GIMAP8: variants seen among roughly 807,000 people sequenced by gnomAD.
The protein encoded by GIMAP8 is GTPase, IMAP family member 8.
A neutral mutation model predicts 35.6 loss-of-function variants in GIMAP8; 29 were observed. The observed-to-expected ratio is 0.81, with a 90% CI of 0.61 to 1.11. GIMAP8 has a LOEUF of 1.11. Ranked by LOEUF, GIMAP8 falls within the 50% of genes most tolerant of loss-of-function variation. The probability of loss-of-function intolerance (pLI) is 0.00; values close to 1 mark genes in which losing one functional copy is unlikely to be tolerated. For missense variants in GIMAP8, 811 were observed against 805.0 expected, an observed-to-expected ratio of 1.01 and a Z score of -0.09; for synonymous variants, 335 against 308.7, an observed-to-expected ratio of 1.09 and a Z score of -0.89.
Position 150,474,066 on chromosome 7 carries a change from C to T in GIMAP8, c.737C>T (p.Ser246Leu), listed in dbSNP as rs750543849. Residue 246 changes from serine to leucine, a missense_variant, in exon 4 of 5, where the codon TCA becomes TTA. Physicochemically the swap from Ser to Leu is moderately radical, Grantham distance 145 (BLOSUM62 -2). Transcript: ENST00000307271. ...GGACCCGAGCAGAATCCGGGGACAT[C>T]AGAACTGACAGTCCTCCTTGTGGGG... is the stretch of plus-strand genomic sequence containing the variant. Reference protein sequence around the residue: ...STGPEQNPGTSELTVLLVGKR... With the variant: ...STGPEQNPGTLELTVLLVGKR... 9 of 1,614,024 alleles carry T rather than the reference C, an allele frequency of 5.6e-6. No homozygotes were observed. Among genetic ancestry groups the T allele is most frequent in the African/African-American group, 1.3e-5 (1 of 74,910 alleles).
At position 150,477,684 on chromosome 7, in the gene GIMAP8, C is replaced by A; in HGVS notation, c.1902C>A (p.Pro634=). 6.2e-7 allele frequency: 1 copy of A among 1,614,116 alleles called. No individual in the cohort carries two copies. Among genetic ancestry groups the A allele is most frequent in the Non-Finnish European group, 8.5e-7 (1 of 1,180,006 alleles). Residue 634 remains proline, a synonymous_variant, in exon 5 of 5, where the codon CCC becomes CCA. Coordinates refer to ENST00000307271, the MANE Select transcript of GIMAP8 (RefSeq NM_175571.4). ...LRKESGWSGY[P]HTQENVSKLI... ...AAGAAAGTGGGTGGTCCGGGTATCCCCATACACAGGAGAACGTCAGCAAAC... is the reference window on the plus strand; with the variant it reads ...AAGAAAGTGGGTGGTCCGGGTATCCACATACACAGGAGAACGTCAGCAAAC...
intron 1 of GIMAP8, among the ~76,000 whole-genome samples, chr7:150,453,404 G>C (rs1193185417): frequency 6.6e-6 from 1 of 152,232 alleles, no homozygotes; most frequent in South Asian, 2.1e-4. Context: ...CTCTGCCAAG[G>C]CCCTTGTGGG....
chr7:150,478,811 T>C lies in GIMAP8; in HGVS notation c.*1031T>C, dbSNP rs1045469367. On this transcript the variant is annotated 3_prime_UTR_variant, in exon 5 of 5. Transcript: ENST00000307271. The stretch of plus-strand genomic sequence containing the variant: ...GGGATGTGGCTTCTACACTCGAATT[T>C]GCTTCTTGGTTTCAAGACAGTGGTG... The C allele has an allele frequency of 1.3e-5, 2 of 152,214 alleles. No homozygotes were observed. Among genetic ancestry groups the C allele is most frequent in the African/African-American group, 4.8e-5 (2 of 41,454 alleles). The allele number at this position is 152,214 out of a possible 1,614,324, so 9.4% of individuals were successfully genotyped here. A position where few individuals can be genotyped will look rare whatever the true frequency, so the allele number is the denominator to read the frequency against.
At chr7:150,466,171 T>C (rs1178517495) in intron 1 of GIMAP8, among the ~76,000 whole-genome samples, 1 of 152,224 alleles carries the variant, frequency 6.6e-6, no homozygotes, top group Non-Finnish European at 1.5e-5. Context: ...TATTTGCTTG[T>C]ATGCTCTAGA....
At chr7:150,457,495 T>C (rs987909969) in intron 1 of GIMAP8, among the ~76,000 whole-genome samples, 6 of 152,222 alleles carry the variant, frequency 3.9e-5, no homozygotes, top group Admixed American at 6.5e-5. Context: ...TTTAGTGTTT[T>C]TGTGTGTATG....
Position 150,477,780 on chromosome 7 carries a change from G to A in GIMAP8, c.1998G>A (p.Ter666=), listed in dbSNP as rs1479719455. 1.9e-6 allele frequency: 3 copies of A among 1,609,866 alleles called. No homozygotes were observed. Among genetic ancestry groups the A allele is most frequent in the Non-Finnish European group, 2.5e-6 (3 of 1,177,786 alleles). The change falls in exon 5 of 5, where the codon TAG becomes TAA. Residue 666 remains the stop codon, a stop_retained_variant. Transcript: ENST00000307271. ...AAAATTTAATAGGTATTTTACAATA[G>A]GTAGCCGAAGTGCCTGGGGTCTCTT... is the stretch of plus-strand genomic sequence containing the variant. ...LLKNLIGILQ[*]
chr7:150,473,684 G>GGTAA (rs1802145656), intron 3 of GIMAP8, among the ~76,000 whole-genome samples: 1 of 150,484 alleles, frequency 6.6e-6, no homozygotes, highest in African/African-American at 2.4e-5. Flanking sequence ...GCTTACCTTT[G>GGTAA]GTACGTACTT....
intron 3 of GIMAP8, among the ~76,000 whole-genome samples, chr7:150,471,400 C>T (rs1802087058): frequency 6.6e-6 from 1 of 152,196 alleles, no homozygotes; most frequent in Non-Finnish European, 1.5e-5. Context: ...TGCAACCATG[C>T]CTTTACTGAT....
rs1802175719 is a variant in GIMAP8, at chr7:150,474,487, T to C, written c.1158T>C (p.Tyr386=). The C allele has an allele frequency of 6.2e-7, 1 of 1,613,968 alleles. No individual in the cohort carries two copies. The highest frequency in any genetic ancestry group is 8.5e-7 in the Non-Finnish European group (1 of 1,179,916). The change falls in exon 4 of 5, where the codon TAT becomes TAC. Residue 386 remains tyrosine, a synonymous_variant. Transcript: ENST00000307271. ...TAAGAAACAGCAATAAAGCTCTCTA[T>C]GGTCTCATCCAGAAGTGTAAAAACA... ...TFLRNSNKAL[Y]GLIQKCKNRY... is the part of the protein sequence containing the mutation.
At chr7:150,455,482 C>T (rs1801711473) in intron 1 of GIMAP8, among the ~76,000 whole-genome samples, 1 of 152,134 alleles carries the variant, frequency 6.6e-6, no homozygotes, top group Non-Finnish European at 1.5e-5. Context: ...CACTAAAAGT[C>T]CAATGGACAA....
intron 1 of GIMAP8, among the ~76,000 whole-genome samples, chr7:150,452,883 C>T (rs1310471681): frequency 4.6e-5 from 7 of 150,752 alleles, no homozygotes; most frequent in East Asian, 1.9e-4. Context: ...CCACTGCGCC[C>T]GGCCTCCCTC....
At chr7:150,469,402 T>G (rs1802040393) in intron 2 of GIMAP8, among the ~76,000 whole-genome samples, 1 of 152,260 alleles carries the variant, frequency 6.6e-6, no homozygotes, top group Non-Finnish European at 1.5e-5. Context: ...GTGATTTCAC[T>G]GGTTGTCTAC....
At chr7:150,464,528 T>TA (rs1330141859) in intron 1 of GIMAP8, among the ~76,000 whole-genome samples, 1 of 151,854 alleles carries the variant, frequency 6.6e-6, no homozygotes, top group Non-Finnish European at 1.5e-5. Context: ...CAAAAGATTT[T>TA]AAAAAATTAG....
chr7:150,452,370 G>A (rs923354431), intron 1 of GIMAP8, among the ~76,000 whole-genome samples: 2 of 151,720 alleles, frequency 1.3e-5, no homozygotes, highest in Admixed American at 1.3e-4. Context: ...GCAGGCAGGA[G>A]TCCAGCCAAG....
In GIMAP8 at chr7:150,472,928, C is replaced by G. The variant is rs143109992; in HGVS notation, c.683-1084C>G. Among the ~76,000 whole-genome samples, 163 of 152,346 alleles carry G rather than the reference C, an allele frequency of 1.1e-3. No homozygotes were observed. The highest frequency in any genetic ancestry group is 3.5e-3 in the African/African-American group (147 of 41,572). Reference sequence around the variant, plus strand: ...CTGTGAAGCCTTCCATGCACACTTCCGTGCTAGTCAGGTCCTAAGGGCTTT... The same window carrying G: ...CTGTGAAGCCTTCCATGCACACTTCGGTGCTAGTCAGGTCCTAAGGGCTTT... On this transcript the variant is annotated intron_variant, in intron 3 of 4. Coordinates refer to ENST00000307271, the MANE Select transcript of GIMAP8 (RefSeq NM_175571.4). This position sits in a 1 kb window ranked among gnomAD's most constrained non-coding sequence, Gnocchi z 4.1.
At chr7:150,475,145 G>A (rs932683019) in intron 4 of GIMAP8, among the ~76,000 whole-genome samples, 1 of 152,166 alleles carries the variant, frequency 6.6e-6, no homozygotes, top group African/African-American at 2.4e-5. Context: ...CAGGTCTCCT[G>A]TTCCTGTGTT....
At position 150,467,322 on chromosome 7, in the gene GIMAP8, C is replaced by T; in HGVS notation, c.624C>T (p.Gly208=). Residue 208 remains glycine (G), a synonymous_variant, in exon 2 of 5, where the codon GGC becomes GGT. Transcript: ENST00000307271. ...ATCATGTGAACTTCAAAACTGAAGG[C>T]AGCAGGTTTCAAGTAAGAATTTTGT... ...GPYHVNFKTE[G]SRFQDCVNEA... The T allele has an allele frequency of 6.2e-7, 1 of 1,609,542 alleles. No homozygotes were observed. Among genetic ancestry groups the T allele is most frequent in the Non-Finnish European group, 8.5e-7 (1 of 1,176,628 alleles).
At chr7:150,476,271 A>G (rs1802226028) in intron 4 of GIMAP8, among the ~76,000 whole-genome samples, 1 of 152,276 alleles carries the variant, frequency 6.6e-6, no homozygotes, top group Non-Finnish European at 1.5e-5. Flanking sequence ...TCATAATGGA[A>G]GAGAACTACG....
At chr7:150,459,734 A>C (rs942812002) in intron 1 of GIMAP8, among the ~76,000 whole-genome samples, 18 of 152,192 alleles carry the variant, frequency 1.2e-4, no homozygotes, top group Non-Finnish European at 2.2e-4. Context: ...AATTCCATGA[A>C]CATGGGCCCA....
Sources: gnomAD v4.1 joint callset for allele counts (sites outside exome capture counted in the v4.1 genomes callset) on GRCh38, gnomAD v4.1.1 for gene constraint, Gnocchi (gnomAD v3.1) non-coding constraint, MANE v1.5 for transcripts, NCBI Gene and HGNC (gene_info 2026-07-23, HGNC 2026-07-21) for gene names.